CBLN2: variants seen among roughly 807,000 people sequenced by gnomAD.
The protein encoded by CBLN2 is cerebellin 2 precursor.
A neutral mutation model predicts 15.0 loss-of-function variants in CBLN2; 7 were observed. The observed-to-expected ratio is 0.47, with a 90% CI of 0.27 to 0.88. The LOEUF (loss-of-function observed/expected upper bound fraction) is 0.88, where lower values mean the gene tolerates loss of function less well. CBLN2 is among the 40% of genes least tolerant of loss of function. The pLI, the probability that CBLN2 is intolerant of heterozygous loss-of-function variation, is 0.14. For missense variants in CBLN2, 242 were observed against 304.5 expected, an observed-to-expected ratio of 0.79 and a Z score of 1.53; for synonymous variants, 149 against 135.2, an observed-to-expected ratio of 1.10 and a Z score of -0.71.
intron 1 of CBLN2, among the ~76,000 whole-genome samples, chr18:72,598,514 G>T (rs766411071): frequency 1.3e-5 from 2 of 152,198 alleles, no homozygotes; most frequent in Non-Finnish European, 2.9e-5. Flanking sequence ...ACCTGGGTCT[G>T]GGGCAGGGGT....
At chr18:72,569,419 C>T (rs573727440) in intron 1 of CBLN2, among the ~76,000 whole-genome samples, 10 of 152,122 alleles carry the variant, frequency 6.6e-5, no homozygotes, top group African/African-American at 2.4e-4. Flanking sequence ...TTACATCTGC[C>T]TCTGGAAACA....
chr18:72,552,127 G>C lies in CBLN2; in HGVS notation c.16-13355C>G, dbSNP rs189403319. On this transcript the variant is annotated intron_variant, in intron 1 of 2. Coordinates refer to the CBLN2 transcript ENST00000581073. ...TTTTTTTTTTTTGAGACAGACTTTCGCTCTTTTTGCCCAGGCTGGTACGAT... is the reference window on the plus strand; with the variant it reads ...TTTTTTTTTTTTGAGACAGACTTTCCCTCTTTTTGCCCAGGCTGGTACGAT... Among the ~76,000 whole-genome samples, 511 of 146,750 alleles carry C rather than the reference G, an allele frequency of 3.5e-3. 2 individuals are homozygous for C. The highest frequency in any genetic ancestry group is 5.6e-3 in the Non-Finnish European group (377 of 67,046).
At chr18:72,623,326 A>G (rs2069713530) in intron 1 of CBLN2, among the ~76,000 whole-genome samples, 1 of 152,146 alleles carries the variant, frequency 6.6e-6, no homozygotes, top group Non-Finnish European at 1.5e-5. Flanking sequence ...TGGAAAAAGG[A>G]GGGTTGGTAC....
chr18:72,605,040 C>A (rs1426464351), intron 1 of CBLN2, among the ~76,000 whole-genome samples: 2 of 152,100 alleles, frequency 1.3e-5, no homozygotes, highest in Non-Finnish European at 2.9e-5. Context: ...GGAGAAATGT[C>A]CCTCCATTTT....
At chr18:72,633,229 A>G (rs1402967164) in intron 1 of CBLN2, among the ~76,000 whole-genome samples, 1 of 152,144 alleles carries the variant, frequency 6.6e-6, no homozygotes, top group Non-Finnish European at 1.5e-5. Flanking sequence ...TGCAAAGCAG[A>G]CTTACTTCAT....
In CBLN2 at chr18:72,559,971, T is replaced by G. The variant is rs191943375; in HGVS notation, c.16-21199A>C. Reference sequence around the variant, plus strand: ...TCCATTGATCAAATATCTATTATTTTTATCCTTTCTTTCCATAGGAATAAT... The same window carrying G: ...TCCATTGATCAAATATCTATTATTTGTATCCTTTCTTTCCATAGGAATAAT... On this transcript the variant is annotated intron_variant, in intron 1 of 2. Coordinates refer to the CBLN2 transcript ENST00000581073. Among the ~76,000 whole-genome samples the G allele has an allele frequency of 1.1e-4, 16 of 152,326 alleles. No homozygotes were observed. In the East Asian group the frequency reaches 2.9e-3, roughly 28 times the overall value.
intron 1 of CBLN2, among the ~76,000 whole-genome samples, chr18:72,550,171 G>T (rs911068927): frequency 4.6e-5 from 7 of 152,174 alleles, no homozygotes; most frequent in African/African-American, 1.7e-4. Context: ...GAGAAACAAA[G>T]TTCATCCCTT....
intron 1 of CBLN2, among the ~76,000 whole-genome samples, chr18:72,580,988 C>A (rs1435678742): frequency 2.6e-5 from 4 of 152,124 alleles, no homozygotes; most frequent in Non-Finnish European, 2.9e-5. Context: ...AGTTTGAGAA[C>A]CCTCCCACCC....
At chr18:72,562,454 G>A (rs188132122) in intron 1 of CBLN2, among the ~76,000 whole-genome samples, 1 of 152,246 alleles carries the variant, frequency 6.6e-6, no homozygotes, top group East Asian at 1.9e-4. Context: ...TCCTCCAGAG[G>A]TAAGATATGG....
At chr18:72,560,548 T>C (rs963080516) in intron 1 of CBLN2, among the ~76,000 whole-genome samples, 1 of 152,196 alleles carries the variant, frequency 6.6e-6, no homozygotes, top group African/African-American at 2.4e-5. Context: ...ATTCGCAAAT[T>C]GCTCTCTGAT....
At chr18:72,606,487 A>G (rs758967061) in intron 1 of CBLN2, among the ~76,000 whole-genome samples, 1 of 152,194 alleles carries the variant, frequency 6.6e-6, no homozygotes, top group Non-Finnish European at 1.5e-5. Flanking sequence ...TATCTGTAGA[A>G]TGTTTTGAAA....
rs1224175970 is a variant in CBLN2, at chr18:72,584,839, G to A, written c.16-46067C>T. 5.3e-5 allele frequency among the ~76,000 whole-genome samples: 8 copies of A among 152,146 alleles called. No individual in the cohort carries two copies. The East Asian group carries it at 7.7e-4, about 15-fold the overall frequency. ...TCTGTGGGCAGTGGCATCTTTGCCC[G>A]AGTTTTGATAAGGCCCACTGGGCTC... On this transcript the variant is annotated intron_variant, in intron 1 of 2. Coordinates refer to the CBLN2 transcript ENST00000581073.
chr18:72,615,653 A>G (rs540335709), intron 1 of CBLN2, among the ~76,000 whole-genome samples: 1 of 152,292 alleles, frequency 6.6e-6, no homozygotes, highest in African/African-American at 2.4e-5. Context: ...TAATACTGCA[A>G]TACAAGTTTC....
intron 1 of CBLN2, chr18:72,638,191 T>G (rs1333643677): frequency 5.0e-6 from 2 of 396,692 alleles, no homozygotes; most frequent in Non-Finnish European, 8.9e-6. Flanking sequence ...AAAGCAGAAG[T>G]AAATACTTTG....
intron 1 of CBLN2, among the ~76,000 whole-genome samples, chr18:72,634,015 T>C (rs1239377047): frequency 6.6e-6 from 1 of 151,978 alleles, no homozygotes; most frequent in East Asian, 1.9e-4. Flanking sequence ...TTTTCTTTTA[T>C]TGCAATATAC....
chr18:72,548,882 T>C (rs1397855143), upstream of CBLN2, among the ~76,000 whole-genome samples: 1 of 152,170 alleles, frequency 6.6e-6, no homozygotes, highest in Non-Finnish European at 1.5e-5. Context: ...GTAGTGAAAT[T>C]GAGGAAGGGG....
chr18:72,606,955 A>G (rs2069587343), intron 1 of CBLN2, among the ~76,000 whole-genome samples: 1 of 152,240 alleles, frequency 6.6e-6, no homozygotes, highest in Admixed American at 6.5e-5. Context: ...TGTAAATTCA[A>G]ATGTTGAAGT....
At chr18:72,637,283 A>G (rs1023249392) in intron 1 of CBLN2, among the ~76,000 whole-genome samples, 5 of 7,196 alleles carry the variant, frequency 6.9e-4, no homozygotes, top group Non-Finnish European at 5.7e-4. Flanking sequence ...AGAACAAGCA[A>G]AAAAAAAAAA....
chr18:72,598,668 T>A (rs2069528277), intron 1 of CBLN2, among the ~76,000 whole-genome samples: 1 of 152,202 alleles, frequency 6.6e-6, no homozygotes, highest in Non-Finnish European at 1.5e-5. Context: ...GTCTTTCTAG[T>A]TCGTTTCAGA....
Sources: allele counts gnomAD v4.1 joint callset (sites outside exome capture counted in the v4.1 genomes callset), GRCh38; gene constraint gnomAD v4.1.1; transcripts MANE v1.5; gene names NCBI Gene and HGNC (gene_info 2026-07-23, HGNC 2026-07-21).